TGIF1: variants seen among roughly 807,000 people sequenced by gnomAD.
The protein encoded by TGIF1 is TGFB induced factor homeobox 1.
Under a neutral mutation model 19.3 loss-of-function variants are expected in TGIF1, and 4 were observed. The ratio of observed to expected loss-of-function variants is 0.21; its 90% CI spans 0.10 to 0.47. The LOEUF is 0.47. TGIF1 is among the 20% of genes least tolerant of loss of function. The pLI, the probability that TGIF1 is intolerant of heterozygous loss-of-function variation, is 0.98. For missense variants in TGIF1, 275 were observed against 341.4 expected (o/e 0.81, Z 1.53); for synonymous variants, 122 against 129.3 (o/e 0.94, Z 0.38).
chr18:3,429,053 C>CA lies in TGIF1; in HGVS notation c.-45+10850dup, dbSNP rs796280367. ...GGGTGACAGAGCCAGACTCCGTCTCCAAAAAAAAAAAATTATTTTATAGAG... is the reference window on the plus strand; with the variant it reads ...GGGTGACAGAGCCAGACTCCGTCTCCAAAAAAAAAAAAATTATTTTATAGAG... On this transcript the variant is annotated intron_variant, in intron 2 of 3. Coordinates refer to the TGIF1 transcript ENST00000401449. Among the ~76,000 whole-genome samples, 1,416 of 145,328 alleles carry CA rather than the reference C, an allele frequency of 9.7e-3. 18 individuals are homozygous for CA. The highest frequency in any genetic ancestry group is 0.032 in the African/African-American group (1,283 of 39,808).
At chr18:3,440,629 G>A (rs1052464307) in intron 2 of TGIF1, among the ~76,000 whole-genome samples, 36 of 152,092 alleles carry the variant, frequency 2.4e-4, no homozygotes, top group Admixed American at 2.4e-3. Context: ...AAACACAACT[G>A]TGTCCCATTT....
At chr18:3,423,461 C>G (rs565746465) in intron 2 of TGIF1, among the ~76,000 whole-genome samples, 8 of 152,084 alleles carry the variant, frequency 5.3e-5, no homozygotes, top group African/African-American at 1.9e-4. Context: ...GGGCAGATCA[C>G]GAGGTCAGGA....
At chr18:3,422,744 G>A (rs1401209282) in intron 2 of TGIF1, among the ~76,000 whole-genome samples, 29 of 133,136 alleles carry the variant, frequency 2.2e-4, no homozygotes, top group Middle Eastern at 5.0e-3. Flanking sequence ...AGTCTGGAGT[G>A]CAGTGGCGTG....
intron 2 of TGIF1, among the ~76,000 whole-genome samples, chr18:3,439,496 A>G (rs1422032174): frequency 1.3e-5 from 2 of 151,824 alleles, no homozygotes; most frequent in Non-Finnish European, 2.9e-5. Context: ...GGCATGCTCC[A>G]CCATGCTTGG....
intron 1 of TGIF1, among the ~76,000 whole-genome samples, chr18:3,452,748 C>G (rs940805942): frequency 1.3e-5 from 2 of 152,180 alleles, no homozygotes; most frequent in Non-Finnish European, 2.9e-5. Context: ...TGGAAAGACT[C>G]CTGAGGAAGT....
upstream of TGIF1, chr18:3,448,086 A>G: frequency 2.1e-6 from 2 of 967,634 alleles, no homozygotes; most frequent in Non-Finnish European, 2.4e-6. Context: ...GGGGGGAGGT[A>G]GGGTTAAACC....
intron 2 of TGIF1, among the ~76,000 whole-genome samples, chr18:3,423,185 A>G (rs1241686859): frequency 6.6e-6 from 1 of 152,122 alleles, no homozygotes; most frequent in Non-Finnish European, 1.5e-5. Flanking sequence ...CTAACACCTG[A>G]AGACACATTT....
In TGIF1 at chr18:3,424,225, A is replaced by G. The variant is rs548652508; in HGVS notation, c.-45+6010A>G. 7.9e-5 allele frequency among the ~76,000 whole-genome samples: 12 copies of G among 151,884 alleles called. No individual in the cohort carries two copies. In the South Asian group the frequency reaches 1.7e-3, roughly 21 times the overall value. The stretch of plus-strand genomic sequence containing the variant: ...ATAAGTAATCATCAGTAATAATATC[A>G]GCAAAGTAAGTTTTTTTTGTTGTTT... On this transcript the variant is annotated intron_variant, in intron 2 of 3. Transcript: ENST00000401449.
At chr18:3,427,956 G>A (rs934072981) in intron 2 of TGIF1, among the ~76,000 whole-genome samples, 4 of 152,198 alleles carry the variant, frequency 2.6e-5, no homozygotes, top group Admixed American at 6.5e-5. Flanking sequence ...TATGGCTGCC[G>A]TTCTCAAAAC....
At chr18:3,434,477 G>T (rs890630296) in intron 2 of TGIF1, among the ~76,000 whole-genome samples, 8 of 150,752 alleles carry the variant, frequency 5.3e-5, no homozygotes, top group Admixed American at 1.3e-4. Flanking sequence ...CAGAGGTTGC[G>T]GTGAGGCAAG....
chr18:3,439,536 T>G (rs1199282084), intron 2 of TGIF1, among the ~76,000 whole-genome samples: 4 of 152,012 alleles, frequency 2.6e-5, no homozygotes, highest in African/African-American at 9.7e-5. Flanking sequence ...AGAGATGGGA[T>G]TTCTCCATTT....
At position 3,451,878 on chromosome 18, in the gene TGIF1, G is replaced by C. The variant is rs1355431518; in HGVS notation, c.16+1373G>C. ...GCGGGGGGCGTCCGAGACGCCCCGT[G>C]AAAGCCGTGCCGACCCTTGGGAGGA... On this transcript the variant is annotated intron_variant, in intron 1 of 2. Transcript: ENST00000343820. The surrounding 1 kb of genome is among the most constrained non-coding windows in gnomAD (Gnocchi z 5.4). 206 of 1,439,972 alleles carry C rather than the reference G, an allele frequency of 1.4e-4. 2 individuals are homozygous for C. In the East Asian group the frequency reaches 5.2e-3, roughly 36 times the overall value. 89.2% of individuals were successfully genotyped at this position (1,439,972 alleles called of 1,614,324 possible).
intron 1 of TGIF1, chr18:3,452,137 C>G: frequency 1.2e-6 from 2 of 1,613,860 alleles, no homozygotes. Flanking sequence ...CCCCGACTCT[C>G]CCGCGGCACT....
At chr18:3,419,493 G>A (rs562932841) in intron 2 of TGIF1, among the ~76,000 whole-genome samples, 1 of 152,280 alleles carries the variant, frequency 6.6e-6, no homozygotes, top group African/African-American at 2.4e-5. Context: ...TTATTTTTGT[G>A]TGTTTGTTGG....
intron 2 of TGIF1, among the ~76,000 whole-genome samples, chr18:3,424,521 C>CG (rs2082444528): frequency 6.6e-6 from 1 of 151,058 alleles, no homozygotes; most frequent in African/African-American, 2.4e-5. Flanking sequence ...GGTCTTCTAC[C>CG]CATTTCCTGG....
At position 3,450,191 on chromosome 18, in the gene TGIF1, G is replaced by C. The variant is rs994460789; in HGVS notation, c.-299G>C. On this transcript the variant is annotated 5_prime_UTR_variant, in exon 1 of 3. Transcript: ENST00000343820. ...TCTCTCACTCTGACAGCGCCGAGGT[G>C]CGCCGAGCAGGAGCAGGGAACAAAG... is the stretch of plus-strand genomic sequence containing the variant. 3.0e-6 allele frequency: 4 copies of C among 1,352,514 alleles called. No homozygotes were observed. The highest frequency in any genetic ancestry group is 3.8e-6 in the Non-Finnish European group (4 of 1,050,946). The allele number at this position is 1,352,514 out of a possible 1,614,324, so 83.8% of individuals were successfully genotyped here. A position where few individuals can be genotyped will look rare whatever the true frequency, so the allele number is the denominator to read the frequency against.
chr18:3,432,970 G>A (rs1461282324), intron 2 of TGIF1, among the ~76,000 whole-genome samples: 3 of 152,118 alleles, frequency 2.0e-5, no homozygotes, highest in African/African-American at 7.2e-5. Context: ...CGTTGGTCAG[G>A]CTGGTCTCGA....
Position 3,456,807 on chromosome 18 carries a change from C to G in TGIF1, c.243+227C>G, listed in dbSNP as rs1299838407. On this transcript the variant is annotated intron_variant, in intron 2 of 2. Transcript: ENST00000343820. This position sits in a 1 kb window ranked among gnomAD's most constrained non-coding sequence, Gnocchi z 4.2. ...CATTTCCTTTAATGCCTAAAAGAAC[C>G]TTCCTTTATGCAACAGACATTAAAA... 5 of 648,442 alleles carry G rather than the reference C, an allele frequency of 7.7e-6. No individual in the cohort carries two copies. Among genetic ancestry groups the G allele is most frequent in the African/African-American group, 5.4e-5 (3 of 55,052 alleles). The allele number at this position is 648,442 out of a possible 1,614,324, so 40.2% of individuals were successfully genotyped here.
chr18:3,438,743 C>A (rs369389044), intron 2 of TGIF1, among the ~76,000 whole-genome samples: 1 of 151,980 alleles, frequency 6.6e-6, no homozygotes. Flanking sequence ...GAACATGTTT[C>A]CTGAACCAAA....
Sources: gnomAD v4.1 joint callset for allele counts (sites outside exome capture counted in the v4.1 genomes callset) on GRCh38, gnomAD v4.1.1 for gene constraint, Gnocchi (gnomAD v3.1) non-coding constraint, MANE v1.5 for transcripts, NCBI Gene and HGNC (gene_info 2026-07-23, HGNC 2026-07-21) for gene names.